The following TNFAIP1 variants were observed in gnomAD, a reference collection of about 807,000 sequenced individuals.
TNFAIP1 encodes the protein TNF alpha induced protein 1.
Under a neutral mutation model 32.6 loss-of-function variants are expected in TNFAIP1, and 20 were observed. The ratio of observed to expected loss-of-function variants is 0.61; its 90% CI spans 0.43 to 0.89. The LOEUF (loss-of-function observed/expected upper bound fraction) is 0.89, where lower values mean the gene tolerates loss of function less well. TNFAIP1 is among the 40% of genes least tolerant of loss of function. The probability of loss-of-function intolerance (pLI) is 0.00; values close to 1 mark genes in which losing one functional copy is unlikely to be tolerated. For missense variants in TNFAIP1, 319 were observed against 425.1 expected, an observed-to-expected ratio of 0.75 and a Z score of 2.20; for synonymous variants, 166 against 166.8, an observed-to-expected ratio of 1.00 and a Z score of 0.04.
In TNFAIP1 at chr17:28,345,492, CTT is replaced by C. The variant is rs1188282302; in HGVS notation, c.*893_*894del. Reference sequence around the variant, plus strand: ...TAGCACGACTGCTCTTTGTGATTCTCTTGAGTACCCTTGGCTTCCAGCCATGC... The same window carrying C: ...TAGCACGACTGCTCTTTGTGATTCTCGAGTACCCTTGGCTTCCAGCCATGC... On this transcript the variant is annotated 3_prime_UTR_variant, in exon 7 of 7. Transcript: ENST00000226225. The C allele has an allele frequency of 4.6e-5, 7 of 152,312 alleles. No homozygotes were observed. The highest frequency in any genetic ancestry group is 2.0e-4 in the Admixed American group (3 of 15,290). 9.4% of individuals were successfully genotyped at this position (152,312 alleles called of 1,614,324 possible).
At chr17:28,339,996 G>A (rs1180921566) in intron 2 of TNFAIP1, among the ~76,000 whole-genome samples, 2 of 152,246 alleles carry the variant, frequency 1.3e-5, no homozygotes, top group Non-Finnish European at 2.9e-5. Flanking sequence ...GCGGGCAGAA[G>A]GCCGGCAGTG....
intron 1 of TNFAIP1, 129 bp from the exon 2 acceptor site, chr17:28,339,279 C>A: frequency 2.8e-6 from 1 of 363,460 alleles, no homozygotes; most frequent in Non-Finnish European, 4.9e-6. Flanking sequence ...ATGGCAGGGA[C>A]TTAGCCTCTG....
At chr17:28,339,241 GAAAAAAAA>G (rs1316145348) in intron 1 of TNFAIP1, among the ~76,000 whole-genome samples, 159 bp from the exon 2 acceptor site, 4 of 82,410 alleles carry the variant, frequency 4.9e-5, no homozygotes, top group South Asian at 7.4e-4. Flanking sequence ...CTGTCTCTAA[GAAAAAAAA>G]AAAAAAAAAA....
chr17:28,344,464 G>T lies in TNFAIP1; in HGVS notation c.815G>T (p.Arg272Leu), dbSNP rs373733645. The T allele has an allele frequency of 6.2e-6, 10 of 1,613,886 alleles. No individual in the cohort carries two copies. The highest frequency in any genetic ancestry group is 1.3e-5 in the African/African-American group (1 of 74,906). The change falls in exon 7 of 7, where the codon CGT (arginine) becomes CTT (leucine). Residue 272 changes from arginine (R) to leucine (L), a missense_variant. By Grantham distance (102) the Arg-to-Leu change is moderately radical (BLOSUM62 -2). Coordinates refer to ENST00000226225, the MANE Select transcript of TNFAIP1 (RefSeq NM_021137.5). ...AACTCCTTGTTGGAGGCCACAAGCCGTAGCCGCAGCCAGGCTTCCCCCAGT... is the reference window on the plus strand; with the variant it reads ...AACTCCTTGTTGGAGGCCACAAGCCTTAGCCGCAGCCAGGCTTCCCCCAGT... ...PDNSLLEATS[R>L]SRSQASPSED...
intron 6 of TNFAIP1, among the ~76,000 whole-genome samples, chr17:28,343,430 T>G (rs938084583): frequency 3.3e-5 from 5 of 151,916 alleles, no homozygotes; most frequent in Non-Finnish European, 7.4e-5. Context: ...GCCAAGCAAC[T>G]TGTCGACCCC....
At position 28,346,985 on chromosome 17, in the gene TNFAIP1, T is replaced by G. The variant is rs1907596302; in HGVS notation, c.*2385T>G. ...TAAGTGATGGAAGCAAACACTAATT[T>G]CTAATAAAATTGTGTTAAACTCAAT... is the stretch of plus-strand genomic sequence containing the variant. On this transcript the variant is annotated 3_prime_UTR_variant, in exon 7 of 7. Transcript: ENST00000226225. 1 of 152,208 alleles carries G rather than the reference T, an allele frequency of 6.6e-6. No individual in the cohort carries two copies. Among genetic ancestry groups the G allele is most frequent in the Non-Finnish European group, 1.5e-5 (1 of 68,044 alleles). 9.4% of individuals were successfully genotyped at this position (152,208 alleles called of 1,614,324 possible).
Position 28,340,272 on chromosome 17 carries a change from C to T in TNFAIP1, c.206-37C>T, listed in dbSNP as rs782694035. Reference sequence around the variant, plus strand: ...CTTTGCCTGCCTCGGAGGTACCTGGCGGCAAACTAACCCTGTAGGGCCTTC... The same window carrying T: ...CTTTGCCTGCCTCGGAGGTACCTGGTGGCAAACTAACCCTGTAGGGCCTTC... On this transcript the variant is annotated intron_variant, in intron 2 of 6. Transcript: ENST00000226225. This position sits in a 1 kb window ranked among gnomAD's most constrained non-coding sequence, Gnocchi z 4.1. 2.4e-5 allele frequency: 38 copies of T among 1,600,756 alleles called. No individual in the cohort carries two copies. Among genetic ancestry groups the T allele is most frequent in the Admixed American group, 6.8e-5 (4 of 59,218 alleles).
chr17:28,346,450 G>A lies in TNFAIP1; in HGVS notation c.*1850G>A, dbSNP rs781949628. 3.3e-5 allele frequency: 5 copies of A among 152,192 alleles called. No individual in the cohort carries two copies. The highest frequency in any genetic ancestry group is 7.3e-5 in the Non-Finnish European group (5 of 68,050). The allele number at this position is 152,192 out of a possible 1,614,324, so 9.4% of individuals were successfully genotyped here. ...TCCCAGCTCCCCACTGAGGTGTTGT[G>A]ATGCTTGCCTTTTGACCTCCCCATC... On this transcript the variant is annotated 3_prime_UTR_variant, in exon 7 of 7. Coordinates refer to ENST00000226225, the MANE Select transcript of TNFAIP1 (RefSeq NM_021137.5).
At position 28,342,457 on chromosome 17, in the gene TNFAIP1, C is replaced by T; in HGVS notation, c.714+15C>T. ...AGCAGACCAAGGTGTGGGGGATTGC[C>T]CCTGCCTGGGTAGGGGAGGACACAC... is the stretch of plus-strand genomic sequence containing the variant. On this transcript the variant is annotated intron_variant, in intron 6 of 6. Transcript: ENST00000226225. The surrounding 1 kb of genome is among the most constrained non-coding windows in gnomAD (Gnocchi z 4.0). 6.4e-7 allele frequency: 1 copy of T among 1,569,996 alleles called. No homozygotes were observed. Among genetic ancestry groups the T allele is most frequent in the Non-Finnish European group, 8.7e-7 (1 of 1,145,324 alleles).
Position 28,342,656 on chromosome 17 carries a change from T to C in TNFAIP1, c.714+214T>C, listed in dbSNP as rs2142385902. 1 of 470,976 alleles carries C rather than the reference T, an allele frequency of 2.1e-6. No homozygotes were observed. The highest frequency in any genetic ancestry group is 3.7e-6 in the Non-Finnish European group (1 of 268,558). 29.2% of individuals were successfully genotyped at this position (470,976 alleles called of 1,614,324 possible). Reference sequence around the variant, plus strand: ...TCCTGACAGCGCAGGGCAGGGGCCGTTGACCACCAGGAAGTAGCCTAGTAC... The same window carrying C: ...TCCTGACAGCGCAGGGCAGGGGCCGCTGACCACCAGGAAGTAGCCTAGTAC... On this transcript the variant is annotated intron_variant, in intron 6 of 6. Transcript: ENST00000226225. This position sits in a 1 kb window ranked among gnomAD's most constrained non-coding sequence, Gnocchi z 4.0.
Position 28,344,064 on chromosome 17 carries a change from G to A in TNFAIP1, c.715-300G>A, listed in dbSNP as rs1907458057. Reference sequence around the variant, plus strand: ...GAAGGGTTCAGCCCAAGGCTCCACAGCTAGCAAGTGGTAGAGCTGTGTTGG... The same window carrying A: ...GAAGGGTTCAGCCCAAGGCTCCACAACTAGCAAGTGGTAGAGCTGTGTTGG... On this transcript the variant is annotated intron_variant, in intron 6 of 6. Transcript: ENST00000226225. 2.0e-5 allele frequency among the ~76,000 whole-genome samples: 3 copies of A among 152,180 alleles called. No homozygotes were observed. The South Asian group carries it at 6.2e-4, about 31-fold the overall frequency.
In TNFAIP1 at chr17:28,344,632, C is replaced by A; in HGVS notation, c.*32C>A. 1 of 1,600,742 alleles carries A rather than the reference C, an allele frequency of 6.2e-7. No homozygotes were observed. The highest frequency in any genetic ancestry group is 8.5e-7 in the Non-Finnish European group (1 of 1,174,240). On this transcript the variant is annotated 3_prime_UTR_variant, in exon 7 of 7. Transcript: ENST00000226225. ...CCTCAGGGAGTCAGGGCACGGGAGG[C>A]CCTATCTCCCATCCTGTGGAACCCG...
chr17:28,339,460 C>G lies in TNFAIP1; in HGVS notation c.-62C>G. The G allele has an allele frequency of 6.7e-7, 1 of 1,487,468 alleles. No homozygotes were observed. The highest frequency in any genetic ancestry group is 9.0e-7 in the Non-Finnish European group (1 of 1,114,504). 92.1% of individuals were successfully genotyped at this position (1,487,468 alleles called of 1,614,324 possible). ...ACTGGCCACTCACTCGTGACCCTTT[C>G]CACCACGGCGGAGCCTTCCAAGCCT... On this transcript the variant is annotated 5_prime_UTR_variant, in exon 2 of 7. Coordinates refer to ENST00000226225, the MANE Select transcript of TNFAIP1 (RefSeq NM_021137.5).
chr17:28,343,839 G>C (rs1555578529), intron 6 of TNFAIP1, among the ~76,000 whole-genome samples: 2 of 152,122 alleles, frequency 1.3e-5, no homozygotes, highest in African/African-American at 4.8e-5. Context: ...GGCAGGTCAT[G>C]CCGGTGACAC....
At chr17:28,341,040 C>T (rs548162938) in intron 3 of TNFAIP1, among the ~76,000 whole-genome samples, 197 bp from the exon 4 acceptor site, 158 of 152,254 alleles carry the variant, frequency 1.0e-3, no homozygotes, top group Non-Finnish European at 1.9e-3. Flanking sequence ...CTACCGCACC[C>T]GGCCTGGATC....
Position 28,335,812 on chromosome 17 carries a change from A to C in TNFAIP1, c.-159A>C, listed in dbSNP as rs1289042046. On this transcript the variant is annotated 5_prime_UTR_variant, in exon 1 of 7. Coordinates refer to ENST00000226225, the MANE Select transcript of TNFAIP1 (RefSeq NM_021137.5). ...CGGCTGCAGGCTAGGGGCGGCTCGG[A>C]GTCCGCTGGCCACCCAGCTGAGAGG... is the stretch of plus-strand genomic sequence containing the variant. 4 of 152,256 alleles carry C rather than the reference A, an allele frequency of 2.6e-5. No homozygotes were observed. Among genetic ancestry groups the C allele is most frequent in the Admixed American group, 2.6e-4 (4 of 15,290 alleles). 9.4% of individuals were successfully genotyped at this position (152,256 alleles called of 1,614,324 possible).
rs1018777681 is a variant in TNFAIP1, at chr17:28,344,842, C to T, written c.*242C>T. 7.2e-6 allele frequency: 4 copies of T among 555,746 alleles called. No homozygotes were observed. Among genetic ancestry groups the T allele is most frequent in the South Asian group, 2.0e-5 (1 of 48,814 alleles). The allele number at this position is 555,746 out of a possible 1,614,324, so 34.4% of individuals were successfully genotyped here. A position where few individuals can be genotyped will look rare whatever the true frequency, so the allele number is the denominator to read the frequency against. ...GCTCACCATCACCCTTCCTGCCCGA[C>T]GGAGCTGCTTCTGCTCCCTGGGGCA... On this transcript the variant is annotated 3_prime_UTR_variant, in exon 7 of 7. Transcript: ENST00000226225.
Position 28,341,421 on chromosome 17 carries a change from G to C in TNFAIP1, c.483G>C (p.Leu161=), listed in dbSNP as rs1555578155. 3 of 1,614,190 alleles carry C rather than the reference G, an allele frequency of 1.9e-6. No individual in the cohort carries two copies. Among genetic ancestry groups the C allele is most frequent in the Non-Finnish European group, 8.5e-7 (1 of 1,180,012 alleles). ...CTTCACAGCCCGTGGTGAAGCTGCT[G>C]TACAACAGAAGCAACAACAAGTATT... is the stretch of plus-strand genomic sequence containing the variant. ...ESSTKPVVKL[L]YNRSNNKYSY... The change falls in exon 5 of 7, where the codon CTG becomes CTC. Residue 161 remains leucine (L), a synonymous_variant. Transcript: ENST00000226225.
rs546075612 is a variant in TNFAIP1, at chr17:28,342,153, G to C, written c.519-94G>C. 9.4e-4 allele frequency: 1,077 copies of C among 1,149,272 alleles called. 2 individuals are homozygous for C. Among genetic ancestry groups the C allele is most frequent in the Admixed American group, 4.5e-3 (195 of 42,940 alleles). 71.2% of individuals were successfully genotyped at this position (1,149,272 alleles called of 1,614,324 possible). A position where few individuals can be genotyped will look rare whatever the true frequency, so the allele number is the denominator to read the frequency against. On this transcript the variant is annotated intron_variant, in intron 5 of 6. Transcript: ENST00000226225. The surrounding 1 kb of genome is among the most constrained non-coding windows in gnomAD (Gnocchi z 4.0). ...GCTTTCATTTCGGCAGGACAGGATG[G>C]GGGAAGGGAGGGAGGGGAGGGCCCC...
Sources: allele counts gnomAD v4.1 joint callset (sites outside exome capture counted in the v4.1 genomes callset), GRCh38; gene constraint gnomAD v4.1.1; non-coding constraint Gnocchi (gnomAD v3.1); transcripts MANE v1.5; gene names NCBI Gene and HGNC (gene_info 2026-07-23, HGNC 2026-07-21).